Variants in SUCLG2 observed in about 807,000 individuals in gnomAD.
SUCLG2 encodes succinate-CoA ligase GDP-forming subunit beta.
SUCLG2 carries 42 observed loss-of-function variants against 47.9 expected under a neutral mutation model. The observed-to-expected ratio is 0.88, with a 90% CI of 0.69 to 1.14. The LOEUF (loss-of-function observed/expected upper bound fraction) is 1.14. Among genes scored for constraint, SUCLG2 ranks in the 50% most tolerant of loss-of-function variants. The pLI is 0.00. For synonymous variants in SUCLG2, 195 were observed against 197.3 expected (o/e 0.99, Z 0.10); for missense variants, 571 against 525.9 (o/e 1.09, Z -0.84).
At chr3:67,523,987 C>A (rs2107136657) in intron 4 of SUCLG2, among the ~76,000 whole-genome samples, 1 of 152,286 alleles carries the variant, frequency 6.6e-6, no homozygotes. Flanking sequence ...TGAAACAGCT[C>A]TTGCTTCACA....
intron 10 of SUCLG2, among the ~76,000 whole-genome samples, chr3:67,386,560 G>A (rs1702265351): frequency 1.3e-5 from 2 of 152,142 alleles, no homozygotes; most frequent in Admixed American, 6.5e-5. Context: ...CCTCACAATC[G>A]TGGTGGAAGA....
At position 67,522,591 on chromosome 3, in the gene SUCLG2, A is replaced by G. The variant is rs1706138067; in HGVS notation, c.418-1957T>C. Among the ~76,000 whole-genome samples, 4 of 152,024 alleles carry G rather than the reference A, an allele frequency of 2.6e-5. No homozygotes were observed. The South Asian group carries it at 8.3e-4, about 32-fold the overall frequency. On this transcript the variant is annotated intron_variant, in intron 4 of 10. Transcript: ENST00000307227. ...AAGATATCTTGGATGTTTAAAGAAT[A>G]TAAAAACAATCCCATAAATAATCAG...
chr3:67,621,447 C>T (rs1350276601), intron 1 of SUCLG2, among the ~76,000 whole-genome samples: 1 of 152,156 alleles, frequency 6.6e-6, no homozygotes, highest in Non-Finnish European at 1.5e-5. Flanking sequence ...ACAATCTTAA[C>T]CTCAAATCTT....
At chr3:67,595,414 GAC>G (rs1708271011) in intron 2 of SUCLG2, among the ~76,000 whole-genome samples, 1 of 152,170 alleles carries the variant, frequency 6.6e-6, no homozygotes, top group African/African-American at 2.4e-5. Flanking sequence ...AAGAAGGGAA[GAC>G]ACAGAACGTC....
intron 4 of SUCLG2, among the ~76,000 whole-genome samples, chr3:67,522,686 CAG>C: frequency 7.2e-6 from 1 of 138,092 alleles, no homozygotes; most frequent in African/African-American, 2.7e-5. Flanking sequence ...TTTGTTGAGA[CAG>C]AGTCTCGCTC....
At chr3:67,438,142 A>G (rs1703669466) in intron 9 of SUCLG2, among the ~76,000 whole-genome samples, 1 of 152,230 alleles carries the variant, frequency 6.6e-6, no homozygotes, top group Non-Finnish European at 1.5e-5. Context: ...TGGGTAACTA[A>G]TGAAATTAAG....
intron 2 of SUCLG2, among the ~76,000 whole-genome samples, chr3:67,604,079 CA>C (rs1207682407): frequency 6.6e-6 from 1 of 152,214 alleles, no homozygotes; most frequent in African/African-American, 2.4e-5. Flanking sequence ...TTTGCTCTCT[CA>C]GACATAAATC....
At chr3:67,581,782 G>A (rs999287802) in intron 2 of SUCLG2, among the ~76,000 whole-genome samples, 2 of 152,154 alleles carry the variant, frequency 1.3e-5, no homozygotes, top group Admixed American at 1.3e-4. Context: ...AAGTACCTAC[G>A]GGAGGAAAGA....
Position 67,528,219 on chromosome 3 carries a change from A to G in SUCLG2, c.330T>C (p.Pro110=). 1 of 1,613,516 alleles carries G rather than the reference A, an allele frequency of 6.2e-7. No individual in the cohort carries two copies. The highest frequency in any genetic ancestry group is 8.5e-7 in the Non-Finnish European group (1 of 1,179,620). ...LKGGVHLTKD[P]NVVGQLAKQM... Reference sequence around the variant, plus strand: ...GTTTAGCCAGCTGTCCCACAACATTAGGGCTAAGAGAAAGAGAAAACAAGC... The same window carrying G: ...GTTTAGCCAGCTGTCCCACAACATTGGGGCTAAGAGAAAGAGAAAACAAGC... The change falls in exon 4 of 11, where the codon CCT becomes CCC. Residue 110 remains proline (P), a synonymous_variant. Transcript: ENST00000307227.
intron 1 of SUCLG2, among the ~76,000 whole-genome samples, chr3:67,634,564 A>C (rs141497998): frequency 2.3e-4 from 35 of 152,280 alleles, no homozygotes; most frequent in Admixed American, 3.3e-4. Flanking sequence ...TATGAATGAA[A>C]ATTTCAGCAG....
chr3:67,360,645 C>G, exon 11 of SUCLG2: 1 of 1,509,058 alleles, frequency 6.6e-7, no homozygotes, highest in Non-Finnish European at 8.8e-7. Flanking sequence ...TAAAAAAATG[C>G]TGATGGCACA....
intron 2 of SUCLG2, among the ~76,000 whole-genome samples, chr3:67,592,658 A>G (rs1030561082): frequency 6.6e-6 from 1 of 150,444 alleles, no homozygotes. Context: ...CATCAACTCA[A>G]CAAGTGGGAA....
chr3:67,489,181 G>A (rs1705141389), intron 9 of SUCLG2, among the ~76,000 whole-genome samples: 1 of 152,280 alleles, frequency 6.6e-6, no homozygotes, highest in East Asian at 1.9e-4. Context: ...AGAAGTATTG[G>A]CAGGTAAAAT....
chr3:67,559,920 T>G (rs1470876508), intron 2 of SUCLG2, among the ~76,000 whole-genome samples: 2 of 149,634 alleles, frequency 1.3e-5, no homozygotes, highest in Non-Finnish European at 3.0e-5. Flanking sequence ...TCGTAATGAA[T>G]GTACCATGCT....
chr3:67,372,170 T>C (rs185740917), downstream of SUCLG2, among the ~76,000 whole-genome samples: 2 of 152,306 alleles, frequency 1.3e-5, no homozygotes, highest in East Asian at 1.9e-4. Flanking sequence ...TGACTATATG[T>C]TGGACGGCAC....
intron 9 of SUCLG2, among the ~76,000 whole-genome samples, chr3:67,477,439 A>G (rs1231938799): frequency 6.6e-6 from 1 of 152,214 alleles, no homozygotes; most frequent in Non-Finnish European, 1.5e-5. Flanking sequence ...TCATGCCTGT[A>G]ATCCCAGCAC....
At position 67,375,808 on chromosome 3, in the gene SUCLG2, A is replaced by G. The variant is rs774922481; in HGVS notation, c.1235T>C (p.Ile412Thr). 13 of 1,613,982 alleles carry G rather than the reference A, an allele frequency of 8.1e-6. No homozygotes were observed. In the Middle Eastern group the frequency reaches 8.3e-4, roughly 103 times the overall value. ...ATCCTCCAGGTCAATGGCTGAAGTA[A>G]TGGGGAGTCCGCTGTTGTTGAGTAT... ...QKILNNSGLP[I>T]TSAIDLEDAA... The change falls in exon 11 of 11, where the codon ATT (isoleucine) becomes ACT (threonine). Residue 412 changes from isoleucine to threonine, a missense_variant. Coordinates refer to ENST00000307227, the MANE Select transcript of SUCLG2 (RefSeq NM_003848.4).
chr3:67,446,417 ATTTTT>A (rs750956324), intron 9 of SUCLG2, among the ~76,000 whole-genome samples: 78 of 32,172 alleles, frequency 2.4e-3, no homozygotes, highest in African/African-American at 9.3e-3. Context: ...ACATATGTAC[ATTTTT>A]TTTTTTTTTT....
intron 10 of SUCLG2, among the ~76,000 whole-genome samples, chr3:67,364,599 C>A (rs1701851749): frequency 6.6e-6 from 1 of 152,198 alleles, no homozygotes; most frequent in Non-Finnish European, 1.5e-5. Flanking sequence ...AGGAGCCTCA[C>A]TTCAGGTGTG....
Sources: allele counts gnomAD v4.1 joint callset (sites outside exome capture counted in the v4.1 genomes callset), GRCh38; gene constraint gnomAD v4.1.1; transcripts MANE v1.5; gene names NCBI Gene and HGNC (gene_info 2026-07-23, HGNC 2026-07-21).